SLC14A2: variants seen among roughly 807,000 people sequenced by gnomAD.
SLC14A2 encodes the protein solute carrier family 14 member 2, also known as urea transporter 2.
In SLC14A2, 91 loss-of-function variants were observed where a neutral mutation model predicts 104.6. The ratio of observed to expected loss-of-function variants is 0.87; its 90% CI spans 0.73 to 1.04. The LOEUF (loss-of-function observed/expected upper bound fraction) is 1.04, where lower values mean the gene tolerates loss of function less well. Among genes scored for constraint, SLC14A2 ranks in the 50% least tolerant of loss-of-function variants. SLC14A2 has a pLI of 0.00. For missense variants in SLC14A2, 1,189 were observed against 1,156.0 expected (o/e 1.03, Z -0.41); for synonymous variants, 476 against 466.4 (o/e 1.02, Z -0.27).
At chr18:45,608,019 G>A (rs990896576) in intron 2 of SLC14A2, among the ~76,000 whole-genome samples, 2 of 152,230 alleles carry the variant, frequency 1.3e-5, no homozygotes, top group Non-Finnish European at 2.9e-5. Context: ...CTACCCTACA[G>A]TGGGAACTGC....
At chr18:45,183,457 C>T in the SLC14A2 span, among the ~76,000 whole-genome samples, 1 of 152,258 alleles carries the variant, frequency 6.6e-6, no homozygotes, top group South Asian at 2.1e-4. Flanking sequence ...TTTTCTCAAA[C>T]TCCTATCCTC....
chr18:45,529,454 T>C (rs1804341897), intron 2 of SLC14A2: 1 of 150,842 alleles, frequency 6.6e-6, no homozygotes, highest in African/African-American at 2.5e-5. Flanking sequence ...TGGTTTTCCA[T>C]AAGAAAAAAA....
At chr18:45,318,483 T>C (rs2085152235) in intron 1 of SLC14A2, among the ~76,000 whole-genome samples, 1 of 152,064 alleles carries the variant, frequency 6.6e-6, no homozygotes, top group African/African-American at 2.4e-5. Context: ...ATAATAGGTA[T>C]CATTGTTAAG....
intron 2 of SLC14A2, among the ~76,000 whole-genome samples, chr18:45,583,854 C>T (rs989759270): frequency 2.6e-5 from 4 of 152,330 alleles, no homozygotes; most frequent in South Asian, 2.1e-4. Context: ...GAAAGACACA[C>T]AAGTGGCTCT....
In SLC14A2 at chr18:45,582,328, G is replaced by A. The variant is rs568065144; in HGVS notation, c.-34-42303G>A. Among the ~76,000 whole-genome samples the A allele has an allele frequency of 2.0e-5, 3 of 152,266 alleles. No homozygotes were observed. The South Asian group carries it at 6.2e-4, about 32-fold the overall frequency. On this transcript the variant is annotated intron_variant, in intron 2 of 20. Coordinates refer to the SLC14A2 transcript ENST00000586448. ...AATGATATTGGGCTAGAGATGCTAG[G>A]AAATGTGCAAAATCCTCTGCTTCTA...
chr18:45,673,053 T>C lies in SLC14A2; in HGVS notation c.2377+6T>C. On this transcript the variant is annotated splice_donor_region_variant and intron_variant, in intron 17 of 19. Coordinates refer to ENST00000255226, the MANE Select transcript of SLC14A2 (RefSeq NM_007163.4). ...CACCATGGGGATGCTAGCAGGTCTGTGTCCTCACTTCCCTGGGCTGTGAGG... is the reference window on the plus strand; with the variant it reads ...CACCATGGGGATGCTAGCAGGTCTGCGTCCTCACTTCCCTGGGCTGTGAGG... The C allele has an allele frequency of 6.2e-7, 1 of 1,613,496 alleles. No individual in the cohort carries two copies. The highest frequency in any genetic ancestry group is 1.1e-5 in the South Asian group (1 of 91,028).
At chr18:45,549,716 G>T (rs1165149892) in intron 2 of SLC14A2, among the ~76,000 whole-genome samples, 1 of 152,242 alleles carries the variant, frequency 6.6e-6, no homozygotes, top group Admixed American at 6.5e-5. Flanking sequence ...AGAGGAAGGA[G>T]TGACTGGCTC....
chr18:45,404,326 C>T (rs975568671), intron 1 of SLC14A2, among the ~76,000 whole-genome samples: 1 of 152,256 alleles, frequency 6.6e-6, no homozygotes, highest in East Asian at 1.9e-4. Flanking sequence ...AATAGTAAGG[C>T]TATATTTTTG....
intron 19 of SLC14A2, among the ~76,000 whole-genome samples, chr18:45,680,343 ATTAGACTATTCAGT>A (rs1292615940): frequency 6.6e-6 from 1 of 152,218 alleles, no homozygotes; most frequent in Non-Finnish European, 1.5e-5. Context: ...GAAGTTACAG[ATTAGACTATTCAGT>A]TTAGACATCT....
intron 5 of SLC14A2, 21 bp downstream of exon 5, chr18:45,632,499 T>C (rs373531301): frequency 5.6e-6 from 9 of 1,611,810 alleles, no homozygotes; most frequent in Admixed American, 1.7e-5. Context: ...TCATTTTTTC[T>C]GCTCACAGCT....
At chr18:45,198,248 C>T in the SLC14A2 span, among the ~76,000 whole-genome samples, 12 of 152,136 alleles carry the variant, frequency 7.9e-5, no homozygotes, top group African/African-American at 2.6e-4. Flanking sequence ...TTCTTTCACC[C>T]CTAATTAATA....
chr18:45,497,819 G>A (rs1236015124), intron 2 of SLC14A2, among the ~76,000 whole-genome samples: 1 of 152,188 alleles, frequency 6.6e-6, no homozygotes, highest in African/African-American at 2.4e-5. Flanking sequence ...TGACGGATCT[G>A]TCCCCAGCGA....
At chr18:45,215,259 T>C (rs977525245) in intron 1 of SLC14A2, among the ~76,000 whole-genome samples, 1 of 152,250 alleles carries the variant, frequency 6.6e-6, no homozygotes, top group Non-Finnish European at 1.5e-5. Context: ...GGCTTTGTGC[T>C]GAGTTCTATT....
chr18:45,311,213 A>G (rs1449442780), intron 1 of SLC14A2, among the ~76,000 whole-genome samples: 4 of 152,220 alleles, frequency 2.6e-5, no homozygotes, highest in African/African-American at 9.7e-5. Context: ...GCTGAAGGGA[A>G]AAGTCAGAAG....
intron 1 of SLC14A2, among the ~76,000 whole-genome samples, chr18:45,618,657 G>A (rs906174424): frequency 1.8e-4 from 19 of 103,822 alleles, no homozygotes; most frequent in Non-Finnish European, 2.8e-4. Context: ...TGACAAGAGC[G>A]AAACTCTGTC....
At chr18:45,279,240 T>C (rs544096902) in intron 1 of SLC14A2, among the ~76,000 whole-genome samples, 1 of 152,364 alleles carries the variant, frequency 6.6e-6, no homozygotes, top group South Asian at 2.1e-4. Context: ...AGGATAATTA[T>C]GAAGGAGAAA....
rs143610580 is a variant in SLC14A2, at chr18:45,682,411, G to A, written c.2655G>A (p.Pro885=). 5.9e-5 allele frequency: 96 copies of A among 1,614,006 alleles called. No individual in the cohort carries two copies. The highest frequency in any genetic ancestry group is 3.2e-4 in the African/African-American group (24 of 74,988). ...TTNNPAIYKL[P]LSKVTYPEAN... ...ATAACCCCGCCATCTACAAGCTCCC[G>A]CTCAGCAAAGTCACCTACCCAGAGG... The change falls in exon 20 of 20, where the codon CCG becomes CCA. Residue 885 remains proline (P), a synonymous_variant. Coordinates refer to ENST00000255226, the MANE Select transcript of SLC14A2 (RefSeq NM_007163.4).
chr18:45,539,185 A>AGGTGGGAATTCAGGGATTCG (rs2144852682), intron 2 of SLC14A2, among the ~76,000 whole-genome samples: 1 of 152,170 alleles, frequency 6.6e-6, no homozygotes, highest in African/African-American at 2.4e-5. Context: ...GCAGGGATTC[A>AGGTGGGAATTCAGGGATTCG]GGTGGGAATC....
At chr18:45,248,492 A>G (rs1251400312) in intron 1 of SLC14A2, among the ~76,000 whole-genome samples, 2 of 152,126 alleles carry the variant, frequency 1.3e-5, no homozygotes, top group African/African-American at 4.8e-5. Flanking sequence ...CTCAGCCCTC[A>G]TAAGACCCCT....
Sources: gnomAD v4.1 joint callset for allele counts (sites outside exome capture counted in the v4.1 genomes callset) on GRCh38, gnomAD v4.1.1 for gene constraint, MANE v1.5 for transcripts, NCBI Gene and HGNC (gene_info 2026-07-23, HGNC 2026-07-21) for gene names.